Variants in WDR64 observed in about 807,000 individuals in gnomAD.
WDR64 encodes the protein WD repeat domain 64, also known as WD repeat-containing protein 64.
Under a neutral mutation model 139.3 loss-of-function variants are expected in WDR64, and 112 were observed. The observed-to-expected ratio is 0.80, with a 90% CI of 0.69 to 0.94. WDR64 has a LOEUF of 0.94. WDR64 is among the 40% of genes least tolerant of loss of function. The pLI, the probability that WDR64 is intolerant of heterozygous loss-of-function variation, is 0.00. For synonymous variants in WDR64, 444 were observed against 437.7 expected (o/e 1.01, Z -0.18); for missense variants, 1,206 against 1,293.1 (o/e 0.93, Z 1.03).
At chr1:241,782,773 G>C (rs1247988452) in intron 22 of WDR64, among the ~76,000 whole-genome samples, 2 of 152,082 alleles carry the variant, frequency 1.3e-5, no homozygotes, top group Non-Finnish European at 2.9e-5. Flanking sequence ...ACTACTTATA[G>C]CATGTATCTC....
rs568834876 is a variant in WDR64, at chr1:241,754,729, C to T, written c.1771-2554C>T. ...ACACCATTGCTCCCCTAGCCCCCCA[C>T]CCCCTGACAGGCCCCAGTGTGTGAT... On this transcript the variant is annotated intron_variant, in intron 14 of 27. Coordinates refer to ENST00000437684, the MANE Select transcript of WDR64 (RefSeq NM_001367482.1). Among the ~76,000 whole-genome samples, 5 of 151,780 alleles carry T rather than the reference C, an allele frequency of 3.3e-5. No individual in the cohort carries two copies. The East Asian group carries it at 5.8e-4, about 18-fold the overall frequency.
In WDR64 at chr1:241,795,134, G is replaced by T; in HGVS notation, c.2998-73G>T. 3.0e-6 allele frequency: 4 copies of T among 1,355,322 alleles called. No homozygotes were observed. In the South Asian group the frequency reaches 5.0e-5, roughly 17 times the overall value. The allele number at this position is 1,355,322 out of a possible 1,614,324, so 84.0% of individuals were successfully genotyped here. On this transcript the variant is annotated intron_variant, in intron 25 of 27. Coordinates refer to ENST00000437684, the MANE Select transcript of WDR64 (RefSeq NM_001367482.1). ...CACATCTAATAAGTGACAGAGTCAG[G>T]ATTTGAACCCAGGTATTTTACCAGT...
At chr1:241,744,350 C>A (rs545225600) in intron 12 of WDR64, 43 bp from the exon 13 acceptor site, 69 of 1,609,400 alleles carry the variant, frequency 4.3e-5, no homozygotes, top group Middle Eastern at 1.7e-4. Context: ...AATTGAAGGG[C>A]TTCTTCAAAC....
chr1:241,788,226 A>G (rs983959208), intron 24 of WDR64, among the ~76,000 whole-genome samples, 192 bp downstream of exon 24: 3 of 152,232 alleles, frequency 2.0e-5, no homozygotes, highest in Non-Finnish European at 2.9e-5. Context: ...CTGATTCTTA[A>G]GACAGTAACA....
intron 4 of WDR64, chr1:241,677,458 GTTTCTTC>G: frequency 2.5e-6 from 1 of 398,462 alleles, no homozygotes; most frequent in Non-Finnish European, 4.4e-6. Flanking sequence ...CACATAATCC[GTTTCTTC>G]TGGGCCGCTG....
chr1:241,776,516 G>GT lies in WDR64; in HGVS notation c.2536+1311dup, dbSNP rs553816067. On this transcript the variant is annotated intron_variant, in intron 21 of 27. Transcript: ENST00000437684. ...TTTACATTTATTTAAGGTTATCCCTGTTTTTCCTGGAGTTTTTTGGGTTTT... is the reference window on the plus strand; with the variant it reads ...TTTACATTTATTTAAGGTTATCCCTGTTTTTTCCTGGAGTTTTTTGGGTTTT... Among the ~76,000 whole-genome samples, 7 of 152,192 alleles carry GT rather than the reference G, an allele frequency of 4.6e-5. No individual in the cohort carries two copies. In the South Asian group the frequency reaches 1.0e-3, roughly 23 times the overall value.
chr1:241,659,053 T>C (rs1473876228), intron 1 of WDR64, among the ~76,000 whole-genome samples: 1 of 152,128 alleles, frequency 6.6e-6, no homozygotes, highest in Admixed American at 6.6e-5. Flanking sequence ...ATGCTCTCCC[T>C]CCACACCCCC....
Position 241,735,533 on chromosome 1 carries a change from C to CCCTTTTTTTT in WDR64, c.1195-2830_1195-2829insCCTTTTTTTT, listed in dbSNP as rs1237771842. On this transcript the variant is annotated intron_variant, in intron 10 of 27. Coordinates refer to ENST00000437684, the MANE Select transcript of WDR64 (RefSeq NM_001367482.1). Reference sequence around the variant, plus strand: ...GTTCTCTGTCTCTCTCTCTCTCTCTCTTTTTTTTTTTTTTTTTTTGATACG... The same window carrying CCCTTTTTTTT: ...GTTCTCTGTCTCTCTCTCTCTCTCTCCCTTTTTTTTTTTTTTTTTTTTTTTTTTTGATACG... Among the ~76,000 whole-genome samples the CCCTTTTTTTT allele has an allele frequency of 6.1e-4, 63 of 103,476 alleles. 2 individuals are homozygous for CCCTTTTTTTT. The highest frequency in any genetic ancestry group is 9.5e-4 in the African/African-American group (25 of 26,320). The allele number at this position is 103,476 out of a possible 152,430, so 67.9% of individuals were successfully genotyped here. A position where few individuals can be genotyped will look rare whatever the true frequency, so the allele number is the denominator to read the frequency against.
chr1:241,726,848 T>C (rs917040063), intron 10 of WDR64, among the ~76,000 whole-genome samples: 2 of 152,098 alleles, frequency 1.3e-5, no homozygotes, highest in African/African-American at 4.8e-5. Flanking sequence ...TTTCTCTTTG[T>C]TTTTTTAAAT....
chr1:241,659,290 T>A (rs1330995893), intron 1 of WDR64, among the ~76,000 whole-genome samples: 1 of 152,250 alleles, frequency 6.6e-6, no homozygotes, highest in Non-Finnish European at 1.5e-5. Flanking sequence ...ATACCACATT[T>A]TCTTTATCCA....
chr1:241,740,286 G>A (rs915573928), intron 11 of WDR64, among the ~76,000 whole-genome samples: 12 of 152,250 alleles, frequency 7.9e-5, no homozygotes, highest in Non-Finnish European at 1.5e-4. Context: ...ATTTGTTGAC[G>A]TCCATTCTGA....
intron 9 of WDR64, among the ~76,000 whole-genome samples, chr1:241,716,900 C>T (rs1408533696): frequency 6.6e-6 from 1 of 152,078 alleles, no homozygotes; most frequent in Non-Finnish European, 1.5e-5. Flanking sequence ...GTTTAAGAGG[C>T]CTAGATATTT....
intron 8 of WDR64, among the ~76,000 whole-genome samples, chr1:241,697,579 C>A (rs2148138021): frequency 6.6e-6 from 1 of 152,318 alleles, no homozygotes. Flanking sequence ...AGCCACCATG[C>A]CCAGCTTAAA....
intron 2 of WDR64, among the ~76,000 whole-genome samples, chr1:241,662,426 T>C (rs752926560): frequency 3.9e-5 from 6 of 152,212 alleles, no homozygotes; most frequent in Non-Finnish European, 8.8e-5. Context: ...TCTTGTTGAC[T>C]GGAGGCTGCA....
chr1:241,717,435 T>A (rs1668445206), intron 9 of WDR64, among the ~76,000 whole-genome samples: 1 of 152,080 alleles, frequency 6.6e-6, no homozygotes, highest in Admixed American at 6.6e-5. Flanking sequence ...ACCACAGAAA[T>A]CTGGTTTACT....
intron 14 of WDR64, among the ~76,000 whole-genome samples, chr1:241,754,884 GC>G (rs1306889555): frequency 6.6e-6 from 1 of 152,106 alleles, no homozygotes; most frequent in African/African-American, 2.4e-5. Context: ...CCATAACCCT[GC>G]AAAGGACATG....
rs979205630 is a variant in WDR64, at chr1:241,771,963, T to C, written c.2290+266T>C. ...ATACATACATATATATATATATATA[T>C]ATATATATATATATATATATATATA... On this transcript the variant is annotated intron_variant, in intron 19 of 27. Coordinates refer to ENST00000437684, the MANE Select transcript of WDR64 (RefSeq NM_001367482.1). 4.0e-3 allele frequency among the ~76,000 whole-genome samples: 375 copies of C among 92,952 alleles called. 5 individuals are homozygous for C. Among genetic ancestry groups the C allele is most frequent in the Non-Finnish European group, 4.8e-3 (211 of 43,798 alleles). 61.0% of individuals were successfully genotyped at this position (92,952 alleles called of 152,430 possible).
At chr1:241,674,982 T>A in intron 4 of WDR64, among the ~76,000 whole-genome samples, 1 of 37,298 alleles carries the variant, frequency 2.7e-5, no homozygotes, top group South Asian at 1.0e-3. Flanking sequence ...CTTTCCTTCT[T>A]TCCTCCCTTT....
chr1:241,655,785 T>G (rs781386736), intron 1 of WDR64, among the ~76,000 whole-genome samples: 5 of 151,768 alleles, frequency 3.3e-5, no homozygotes, highest in African/African-American at 1.2e-4. Context: ...TAAAAACTTC[T>G]GAACTTTCCC....
Sources: gnomAD v4.1 joint callset for allele counts (sites outside exome capture counted in the v4.1 genomes callset) on GRCh38, gnomAD v4.1.1 for gene constraint, MANE v1.5 for transcripts, NCBI Gene and HGNC (gene_info 2026-07-23, HGNC 2026-07-21) for gene names.